ZNF737: variants seen among roughly 807,000 people sequenced by gnomAD.
ZNF737 encodes zinc finger protein 737.
A neutral mutation model predicts 11.7 loss-of-function variants in ZNF737; 13 were observed. The ratio of observed to expected loss-of-function variants is 1.11; its 90% CI spans 0.73 to 1.77. ZNF737 has a LOEUF of 1.77. Ranked by LOEUF, ZNF737 falls within the 40% of genes most tolerant of loss-of-function variation. The probability of loss-of-function intolerance (pLI) is 0.00; values close to 1 mark genes in which losing one functional copy is unlikely to be tolerated. For missense variants in ZNF737, 636 were observed against 638.0 expected, an observed-to-expected ratio of 1.00 and a Z score of 0.03; for synonymous variants, 217 against 216.2, an observed-to-expected ratio of 1.00 and a Z score of -0.03.
Position 20,540,283 on chromosome 19 carries a change from G to T in ZNF737, c.*4309C>A, listed in dbSNP as rs1968148396. 8.8e-6 allele frequency: 3 copies of T among 341,430 alleles called. No homozygotes were observed. The highest frequency in any genetic ancestry group is 6.5e-5 in the Admixed American group (1 of 15,470). 21.2% of individuals were successfully genotyped at this position (341,430 alleles called of 1,614,324 possible). A position where few individuals can be genotyped will look rare whatever the true frequency, so the allele number is the denominator to read the frequency against. On this transcript the variant is annotated 3_prime_UTR_variant, in exon 4 of 4. Transcript: ENST00000427401. ...CTCTGATTAAGTTTAGCACAATCAGGATAATCTCCATTTTGATAAACACAA... is the reference window on the plus strand; with the variant it reads ...CTCTGATTAAGTTTAGCACAATCAGTATAATCTCCATTTTGATAAACACAA...
At chr19:20,556,834 T>G (rs1269642088) in intron 1 of ZNF737, among the ~76,000 whole-genome samples, 1 of 152,240 alleles carries the variant, frequency 6.6e-6, no homozygotes, top group African/African-American at 2.4e-5. Flanking sequence ...ACAGGTACTA[T>G]GTGCACAATA....
chr19:20,547,238 G>A (rs530864412), intron 3 of ZNF737, among the ~76,000 whole-genome samples: 6 of 151,934 alleles, frequency 3.9e-5, no homozygotes, highest in South Asian at 2.1e-4. Flanking sequence ...AAAATTAGCC[G>A]GGCATGGTAG....
chr19:20,564,955 G>A (rs879962168), intron 1 of ZNF737, among the ~76,000 whole-genome samples: 8 of 43,226 alleles, frequency 1.9e-4, no homozygotes, highest in Admixed American at 1.2e-3. Context: ...TTTTTTTTTT[G>A]AGACGGAGTC....
intron 1 of ZNF737, among the ~76,000 whole-genome samples, chr19:20,558,376 C>T (rs185705132): frequency 8.9e-4 from 136 of 152,128 alleles, no homozygotes; most frequent in Non-Finnish European, 1.8e-3. Context: ...AGAAAGTGGC[C>T]TAAATAAAGC....
chr19:20,555,588 A>G (rs1222142079), intron 1 of ZNF737, among the ~76,000 whole-genome samples: 1 of 152,238 alleles, frequency 6.6e-6, no homozygotes, highest in Non-Finnish European at 1.5e-5. Context: ...GTTTTCCCCA[A>G]TAGAACATGA....
intron 1 of ZNF737, among the ~76,000 whole-genome samples, chr19:20,561,471 C>A (rs1969093835): frequency 6.6e-6 from 1 of 152,056 alleles, no homozygotes; most frequent in Non-Finnish European, 1.5e-5. Context: ...GAGCTCCTTT[C>A]TTCTAAGTTT....
Position 20,565,684 on chromosome 19 carries a change from C to T in ZNF737, c.-44G>A, listed in dbSNP as rs544721831. ...TCCCGGGCGTCTTAGCTGTGGATCT[C>T]CCAATACCTGCAGGACACAGGGCCA... On this transcript the variant is annotated 5_prime_UTR_variant, in exon 1 of 4. Coordinates refer to ENST00000427401, the MANE Select transcript of ZNF737 (RefSeq NM_001159293.2). 5.0e-6 allele frequency: 8 copies of T among 1,614,082 alleles called. No individual in the cohort carries two copies. The highest frequency in any genetic ancestry group is 6.8e-6 in the Non-Finnish European group (8 of 1,179,970).
At position 20,543,281 on chromosome 19, in the gene ZNF737, T is replaced by A. The variant is rs184855071; in HGVS notation, c.*1311A>T. 207 of 985,556 alleles carry A rather than the reference T, an allele frequency of 2.1e-4. No individual in the cohort carries two copies. The highest frequency in any genetic ancestry group is 1.4e-3 in the Admixed American group (22 of 16,286). The allele number at this position is 985,556 out of a possible 1,614,324, so 61.1% of individuals were successfully genotyped here. On this transcript the variant is annotated 3_prime_UTR_variant, in exon 4 of 4. Transcript: ENST00000427401. Reference sequence around the variant, plus strand: ...TAAATTCCCTGATGTTGAACAAACTTGAGCAACTGCTTTAGGATTTTCCTC... The same window carrying A: ...TAAATTCCCTGATGTTGAACAAACTAGAGCAACTGCTTTAGGATTTTCCTC...
rs532240118 is a variant in ZNF737, at chr19:20,540,127, G to C, written c.*4465C>G. The C allele has an allele frequency of 4.1e-6, 4 of 985,308 alleles. No individual in the cohort carries two copies. In the South Asian group the frequency reaches 1.9e-4, roughly 46 times the overall value. 61.0% of individuals were successfully genotyped at this position (985,308 alleles called of 1,614,324 possible). On this transcript the variant is annotated 3_prime_UTR_variant, in exon 4 of 4. Coordinates refer to ENST00000427401, the MANE Select transcript of ZNF737 (RefSeq NM_001159293.2). Reference sequence around the variant, plus strand: ...GCAACATGGAGGAGGCAGAAATGATGGCAAGATACAAACATTTTTCCCGCC... The same window carrying C: ...GCAACATGGAGGAGGCAGAAATGATCGCAAGATACAAACATTTTTCCCGCC...
At chr19:20,562,444 A>T (rs2082013) in intron 1 of ZNF737, among the ~76,000 whole-genome samples, 115,115 of 150,874 alleles carry the variant, frequency 0.76, 43,950 homozygotes, top group East Asian at 0.82. Context: ...ATTTCCCAGG[A>T]TCAAGCCATT....
At chr19:20,564,665 A>AT (rs1258606494) in intron 1 of ZNF737, among the ~76,000 whole-genome samples, 8 of 150,848 alleles carry the variant, frequency 5.3e-5, no homozygotes, top group African/African-American at 1.7e-4. Flanking sequence ...AAAAAAAAAT[A>AT]AAAATAATAA....
chr19:20,537,157 C>T (rs953037785), downstream of ZNF737, among the ~76,000 whole-genome samples: 17 of 151,752 alleles, frequency 1.1e-4, no homozygotes, highest in Admixed American at 1.1e-3. Flanking sequence ...TTGCTACACA[C>T]GTGTCAAACA....
rs139090556 is a variant in ZNF737, at chr19:20,562,710, C to T, written c.3+2928G>A. Among the ~76,000 whole-genome samples the T allele has an allele frequency of 1.8e-3, 271 of 152,178 alleles. 3 individuals carry two copies. The East Asian group carries it at 0.03, about 17-fold the overall frequency. ...CCTCAGGTGATCCGCCTGTCTCAGCCTCCCAAAGTGCTGGGTTTACAGGCA... is the reference window on the plus strand; with the variant it reads ...CCTCAGGTGATCCGCCTGTCTCAGCTTCCCAAAGTGCTGGGTTTACAGGCA... On this transcript the variant is annotated intron_variant, in intron 1 of 3. Transcript: ENST00000427401.
chr19:20,551,446 AAAAAG>A (rs1278958724), intron 3 of ZNF737, among the ~76,000 whole-genome samples: 4 of 151,056 alleles, frequency 2.6e-5, no homozygotes, highest in Non-Finnish European at 5.9e-5. Flanking sequence ...AAAAAAAAAA[AAAAAG>A]AAAGAAAGAA....
rs543486631 is a variant in ZNF737, at chr19:20,540,698, G to A, written c.*3894C>T. On this transcript the variant is annotated 3_prime_UTR_variant, in exon 4 of 4. Coordinates refer to ENST00000427401, the MANE Select transcript of ZNF737 (RefSeq NM_001159293.2). Reference sequence around the variant, plus strand: ...TGCTTGAACCCAGGAGGTGGAGGTTGCCATGAGCTGAGATCACGCCACTGC... The same window carrying A: ...TGCTTGAACCCAGGAGGTGGAGGTTACCATGAGCTGAGATCACGCCACTGC... 3 of 577,086 alleles carry A rather than the reference G, an allele frequency of 5.2e-6. No individual in the cohort carries two copies. Among genetic ancestry groups the A allele is most frequent in the African/African-American group, 2.0e-5 (1 of 49,094 alleles). The allele number at this position is 577,086 out of a possible 1,614,324, so 35.7% of individuals were successfully genotyped here. A position where few individuals can be genotyped will look rare whatever the true frequency, so the allele number is the denominator to read the frequency against.
chr19:20,531,460 T>C (rs1350328413), downstream of ZNF737, among the ~76,000 whole-genome samples: 1 of 148,956 alleles, frequency 6.7e-6, no homozygotes, highest in Non-Finnish European at 1.5e-5. Context: ...TTTGTTAGTT[T>C]GTTTTGTTTT....
intron 1 of ZNF737, among the ~76,000 whole-genome samples, chr19:20,565,202 TG>T (rs2144717565): frequency 6.6e-6 from 1 of 152,342 alleles, no homozygotes; most frequent in East Asian, 1.9e-4. Flanking sequence ...CCCAAAGTGC[TG>T]GGATTACAGG....
At position 20,543,052 on chromosome 19, in the gene ZNF737, C is replaced by G. The variant is rs1193291092; in HGVS notation, c.*1540G>C. On this transcript the variant is annotated 3_prime_UTR_variant, in exon 4 of 4. Transcript: ENST00000427401. ...TCAATGCTCTGATTTAGTGTAATGTCTGAAGTGTCGGGGCCTTAGTTATTC... is the reference window on the plus strand; with the variant it reads ...TCAATGCTCTGATTTAGTGTAATGTGTGAAGTGTCGGGGCCTTAGTTATTC... The G allele has an allele frequency of 2.0e-6, 2 of 984,984 alleles. No individual in the cohort carries two copies. Among genetic ancestry groups the G allele is most frequent in the African/African-American group, 3.5e-5 (2 of 57,224 alleles). The allele number at this position is 984,984 out of a possible 1,614,324, so 61.0% of individuals were successfully genotyped here.
chr19:20,559,904 C>T (rs12973966), intron 1 of ZNF737, among the ~76,000 whole-genome samples: 115,132 of 151,236 alleles, frequency 0.76, 43,887 homozygotes, highest in East Asian at 0.82. Flanking sequence ...CAGTGGTTCA[C>T]GCCTGTAATC....
Sources: allele counts gnomAD v4.1 joint callset (sites outside exome capture counted in the v4.1 genomes callset), GRCh38; gene constraint gnomAD v4.1.1; transcripts MANE v1.5; gene names NCBI Gene and HGNC (gene_info 2026-07-23, HGNC 2026-07-21).